Variants in PDE4D observed in about 807,000 individuals in gnomAD.
PDE4D encodes phosphodiesterase 4D.
A neutral mutation model predicts 87.4 loss-of-function variants in PDE4D; 24 were observed. The ratio of observed to expected loss-of-function variants is 0.27; its 90% CI spans 0.20 to 0.39. The LOEUF (loss-of-function observed/expected upper bound fraction) is 0.39. Among genes scored for constraint, PDE4D ranks in the 10% least tolerant of loss-of-function variants. The pLI is 1.00. For missense variants in PDE4D, 714 were observed against 1,041.0 expected, an observed-to-expected ratio of 0.69 and a Z score of 4.32; for synonymous variants, 384 against 383.2, an observed-to-expected ratio of 1.00 and a Z score of -0.02.
At chr5:59,107,372 C>T (rs1771786730) in intron 5 of PDE4D, among the ~76,000 whole-genome samples, 1 of 152,102 alleles carries the variant, frequency 6.6e-6, no homozygotes, top group South Asian at 2.1e-4. Context: ...CCATGTCTGG[C>T]TAATTTTTGC....
At chr5:59,554,481 T>A (rs1040021576) in intron 1 of PDE4D, among the ~76,000 whole-genome samples, 17 of 152,288 alleles carry the variant, frequency 1.1e-4, no homozygotes, top group African/African-American at 3.6e-4. Context: ...GACTCTAAGC[T>A]TTTAATCACT....
intron 2 of PDE4D, among the ~76,000 whole-genome samples, chr5:60,129,406 T>C (rs1042113422): frequency 6.6e-6 from 1 of 152,184 alleles, no homozygotes; most frequent in South Asian, 2.1e-4. Context: ...TGCATGAAAG[T>C]ATTATTAACA....
chr5:60,483,864 C>T (rs1451892706), intron 1 of PDE4D, among the ~76,000 whole-genome samples: 1 of 152,080 alleles, frequency 6.6e-6, no homozygotes, highest in African/African-American at 2.4e-5. Flanking sequence ...AAAAAGGGTT[C>T]AACAGGTGAA....
chr5:60,407,541 C>T (rs1051285461), intron 1 of PDE4D, among the ~76,000 whole-genome samples: 1 of 146,848 alleles, frequency 6.8e-6, no homozygotes, highest in African/African-American at 2.6e-5. Flanking sequence ...GCAACCTTCG[C>T]CTCCCAGGTT....
chr5:59,409,017 G>A (rs752302601), intron 1 of PDE4D, among the ~76,000 whole-genome samples: 5 of 152,050 alleles, frequency 3.3e-5, no homozygotes, highest in Admixed American at 1.3e-4. Context: ...GCATGACAGC[G>A]GGTGCCTGTA....
chr5:59,165,888 A>C (rs1282357924), intron 5 of PDE4D, among the ~76,000 whole-genome samples: 1 of 152,172 alleles, frequency 6.6e-6, no homozygotes, highest in Non-Finnish European at 1.5e-5. Flanking sequence ...TGAAATAATG[A>C]CAAAGAAACT....
chr5:59,776,566 T>A (rs1395248442), intron 1 of PDE4D, among the ~76,000 whole-genome samples: 1 of 152,186 alleles, frequency 6.6e-6, no homozygotes, highest in Non-Finnish European at 1.5e-5. Context: ...CTTGGGAAAC[T>A]TTTTTCCCTA....
At chr5:59,680,095 T>C (rs910154024) in intron 1 of PDE4D, among the ~76,000 whole-genome samples, 6 of 152,276 alleles carry the variant, frequency 3.9e-5, no homozygotes, top group Middle Eastern at 6.8e-3. Context: ...AATTCCTTTT[T>C]TGAAACAAAA....
At chr5:59,348,260 G>A (rs1024632838) in intron 1 of PDE4D, among the ~76,000 whole-genome samples, 1 of 152,114 alleles carries the variant, frequency 6.6e-6, no homozygotes, top group Non-Finnish European at 1.5e-5. Context: ...GCTACATTTT[G>A]TATTATTATG....
intron 1 of PDE4D, among the ~76,000 whole-genome samples, chr5:59,878,217 C>T (rs1748896173): frequency 6.6e-6 from 1 of 152,126 alleles, no homozygotes; most frequent in Admixed American, 6.5e-5. Flanking sequence ...TAGTGGTGAC[C>T]TGAAATGCAA....
In PDE4D at chr5:60,231,052, G is replaced by A. The variant is rs111772809; in HGVS notation, c.-89-45365C>T. Among the ~76,000 whole-genome samples the A allele has an allele frequency of 1.4e-4, 22 of 152,058 alleles. 2 individuals carry two copies. Among genetic ancestry groups the A allele is most frequent in the African/African-American group, 4.8e-4 (20 of 41,520 alleles). On this transcript the variant is annotated intron_variant, in intron 1 of 16. Transcript: ENST00000502484. ...CAGAGGAAAGAAAATGTGTGTTCAC[G>A]CATAAAAGAAAAAGAAATATAATTG...
intron 1 of PDE4D, among the ~76,000 whole-genome samples, chr5:59,639,122 TATA>T (rs1291410360): frequency 5.3e-5 from 8 of 152,200 alleles, no homozygotes; most frequent in African/African-American, 9.6e-5. Flanking sequence ...AATAATTTTT[TATA>T]ATATCATTTC....
chr5:59,625,703 A>T (rs1830819732), intron 1 of PDE4D, among the ~76,000 whole-genome samples: 1 of 152,206 alleles, frequency 6.6e-6, no homozygotes, highest in Non-Finnish European at 1.5e-5. Flanking sequence ...TCAAGTGTAA[A>T]TTAGAAAACA....
chr5:59,219,157 C>T (rs1381318591), intron 1 of PDE4D, among the ~76,000 whole-genome samples: 2 of 147,724 alleles, frequency 1.4e-5, no homozygotes, highest in African/African-American at 5.0e-5. Context: ...ATCTAACCTG[C>T]ACAATGTGCA....
chr5:60,492,281 A>G (rs1416117255), upstream of PDE4D, among the ~76,000 whole-genome samples: 2 of 152,002 alleles, frequency 1.3e-5, no homozygotes, highest in Admixed American at 1.3e-4. Flanking sequence ...AGAGAAACAA[A>G]TAAATAAATA....
chr5:60,403,281 T>C (rs2150050587), intron 1 of PDE4D, among the ~76,000 whole-genome samples: 1 of 152,332 alleles, frequency 6.6e-6, no homozygotes, highest in Non-Finnish European at 1.5e-5. Flanking sequence ...GAAGAATACT[T>C]AAATTTCAAA....
intron 1 of PDE4D, among the ~76,000 whole-genome samples, chr5:59,599,053 A>T (rs1583267033): frequency 6.6e-6 from 1 of 152,114 alleles, no homozygotes; most frequent in Admixed American, 6.6e-5. Flanking sequence ...ATTTGCTAGG[A>T]GGCATAAATA....
chr5:59,143,964 A>G (rs1045518497), intron 5 of PDE4D, among the ~76,000 whole-genome samples: 2 of 152,224 alleles, frequency 1.3e-5, no homozygotes, highest in African/African-American at 4.8e-5. Flanking sequence ...CTGGCTATCA[A>G]AGCAGAATAA....
chr5:60,480,171 CA>C (rs1167996815), intron 1 of PDE4D, among the ~76,000 whole-genome samples: 1 of 152,064 alleles, frequency 6.6e-6, no homozygotes, highest in East Asian at 1.9e-4. Flanking sequence ...CTCTCTAAAA[CA>C]GAAGAAACAA....
Sources: gnomAD v4.1 joint callset for allele counts (sites outside exome capture counted in the v4.1 genomes callset) on GRCh38, gnomAD v4.1.1 for gene constraint, MANE v1.5 for transcripts, NCBI Gene and HGNC (gene_info 2026-07-23, HGNC 2026-07-21) for gene names.